The following TECTA variants were observed in gnomAD, a reference collection of about 807,000 sequenced individuals.
TECTA encodes alpha-tectorin.
TECTA carries 128 observed loss-of-function variants against 216.8 expected under a neutral mutation model. The observed-to-expected ratio is 0.59, with a 90% CI of 0.51 to 0.68. TECTA has a LOEUF of 0.68. Among genes scored for constraint, TECTA ranks in the 30% least tolerant of loss-of-function variants. The probability of loss-of-function intolerance (pLI) is 0.00; values close to 1 mark genes in which losing one functional copy is unlikely to be tolerated. For synonymous variants in TECTA, 1,089 were observed against 1,117.1 expected (o/e 0.97, Z 0.50); for missense variants, 2,551 against 2,786.2 (o/e 0.92, Z 1.90).
At chr11:121,121,411 G>A (rs1003883150) in intron 7 of TECTA, among the ~76,000 whole-genome samples, 1 of 152,174 alleles carries the variant, frequency 6.6e-6, no homozygotes, top group Non-Finnish European at 1.5e-5. Context: ...GCAAACAGGC[G>A]AGGCTTATCA....
At position 121,137,687 on chromosome 11, in the gene TECTA, G is replaced by T. The variant is rs775211382; in HGVS notation, c.3208G>T (p.Val1070Phe). Residue 1070 changes from valine (V) to phenylalanine (F), a missense_variant, in exon 11 of 24, where the codon GTC (valine) becomes TTC (phenylalanine). Around this residue, in one of 3 missense-constraint regions of TECTA, gnomAD observed 2,375 missense variants for 2,563.9 expected, o/e 0.93. Coordinates refer to ENST00000392793, the MANE Select transcript of TECTA (RefSeq NM_005422.4). ...FCYCSGTDNRVHCETIPCKDD... is the reference protein window; with the variant it reads ...FCYCSGTDNRFHCETIPCKDD... ...CTATTGCAGTGGCACAGACAACAGGGTCCACTGCGAGACCATTCCCTGCAA... is the reference window on the plus strand; with the variant it reads ...CTATTGCAGTGGCACAGACAACAGGTTCCACTGCGAGACCATTCCCTGCAA... 13 of 1,614,100 alleles carry T rather than the reference G, an allele frequency of 8.1e-6. No individual in the cohort carries two copies. In the South Asian group the frequency reaches 1.2e-4, roughly 15 times the overall value.
intron 11 of TECTA, among the ~76,000 whole-genome samples, chr11:121,138,249 G>A (rs1946751243): frequency 6.6e-6 from 1 of 152,230 alleles, no homozygotes; most frequent in African/African-American, 2.4e-5. Flanking sequence ...CAAGTTAGGA[G>A]GCAGAGCCAG....
chr11:121,113,152 C>T lies in TECTA; in HGVS notation c.567C>T (p.Thr189=). The change falls in exon 5 of 24, where the codon ACC becomes ACT. Residue 189 remains threonine (T), a synonymous_variant. Coordinates refer to ENST00000392793, the MANE Select transcript of TECTA (RefSeq NM_005422.4). This position sits in a 1 kb window ranked among gnomAD's most constrained non-coding sequence, Gnocchi z 4.2. ...TCAATTATTACGAAATCAACTGGAC[C>T]ACGGGGACGGCGAGTGGCGGCGACC... ...TLFNYYEINW[T]TGTASGGDPL... 6.2e-7 allele frequency: 1 copy of T among 1,614,056 alleles called. No individual in the cohort carries two copies.
intron 20 of TECTA, among the ~76,000 whole-genome samples, chr11:121,182,009 T>C (rs540168516): frequency 1.3e-5 from 2 of 152,320 alleles, no homozygotes; most frequent in African/African-American, 2.4e-5. Context: ...TCAGCATCAG[T>C]CATGTCTGTG....
At chr11:121,187,502 G>T in intron 20 of TECTA, among the ~76,000 whole-genome samples, 1 of 152,198 alleles carries the variant, frequency 6.6e-6, no homozygotes, top group East Asian at 1.9e-4. Flanking sequence ...TTATTAAATT[G>T]GTATCGGTAG....
rs567513145 is a variant in TECTA, at chr11:121,155,675, T to G, written c.4306-2166T>G. Among the ~76,000 whole-genome samples, 9 of 152,324 alleles carry G rather than the reference T, an allele frequency of 5.9e-5. No individual in the cohort carries two copies. In the East Asian group the frequency reaches 1.5e-3, roughly 26 times the overall value. On this transcript the variant is annotated intron_variant, in intron 13 of 23. Transcript: ENST00000392793. ...GACCAGACAGAAGCATAGGCCTTTTTGTGCTATTGAAAGATCTTTTCTGGA... is the reference window on the plus strand; with the variant it reads ...GACCAGACAGAAGCATAGGCCTTTTGGTGCTATTGAAAGATCTTTTCTGGA...
chr11:121,105,158 C>T lies in TECTA; in HGVS notation c.65-673C>T, dbSNP rs1445357024. On this transcript the variant is annotated intron_variant, in intron 2 of 23. Coordinates refer to ENST00000392793, the MANE Select transcript of TECTA (RefSeq NM_005422.4). This position sits in a 1 kb window ranked among gnomAD's most constrained non-coding sequence, Gnocchi z 5.3. ...CTCTCCAGTGACCAGGAGGACCAAT[C>T]AGAGCCCTGCAATTCATTCTCTCCA... Among the ~76,000 whole-genome samples the T allele has an allele frequency of 1.3e-5, 2 of 152,224 alleles. No homozygotes were observed. The highest frequency in any genetic ancestry group is 4.8e-5 in the African/African-American group (2 of 41,468).
chr11:121,162,879 A>G (rs1947015630), intron 16 of TECTA, among the ~76,000 whole-genome samples: 1 of 152,206 alleles, frequency 6.6e-6, no homozygotes, highest in Non-Finnish European at 1.5e-5. Flanking sequence ...TAAAATAAAG[A>G]TATACAGAAT....
chr11:121,119,999 G>C (rs1946540703), intron 7 of TECTA, among the ~76,000 whole-genome samples: 1 of 152,176 alleles, frequency 6.6e-6, no homozygotes, highest in Non-Finnish European at 1.5e-5. Context: ...ACTTATCCTT[G>C]TAGATAGATG....
intron 20 of TECTA, among the ~76,000 whole-genome samples, chr11:121,177,614 CG>C (rs1947181528): frequency 6.6e-6 from 1 of 152,186 alleles, no homozygotes; most frequent in African/African-American, 2.4e-5. Flanking sequence ...TTAGGCTGCT[CG>C]GGGGTCAGGG....
Position 121,137,763 on chromosome 11 carries a change from G to T in TECTA, c.3284G>T (p.Arg1095Leu), listed in dbSNP as rs771933470. Residue 1095 changes from arginine (R) to leucine (L), a missense_variant, in exon 11 of 24, where the codon CGC becomes CTC. Physicochemically the swap from Arg to Leu is moderately radical, Grantham distance 102. This residue lies in a region of TECTA where 2,375 missense variants were observed against 2,563.9 expected (regional missense o/e 0.93). Transcript: ENST00000392793. ...EEGGLYYCQA[R>L]TDASCIVSGY... The stretch of plus-strand genomic sequence containing the variant: ...GGTGGCCTGTACTACTGCCAAGCCC[G>T]CACCGACGCCTCCTGCATCGTCTCA... 6.2e-6 allele frequency: 10 copies of T among 1,613,982 alleles called. No homozygotes were observed. Among genetic ancestry groups the T allele is most frequent in the African/African-American group, 4.0e-5 (3 of 74,892 alleles).
Position 121,129,879 on chromosome 11 carries a change from A to G in TECTA, c.2609A>G (p.Asn870Ser), listed in dbSNP as rs1321070543. Residue 870 changes from asparagine to serine, a missense_variant, in exon 10 of 24, where the codon AAC becomes AGC. Transcript: ENST00000392793. ...FCLPNGKCTDNLAVFLESWTT... is the reference protein window; with the variant it reads ...FCLPNGKCTDSLAVFLESWTT... ...CTCCCCAACGGCAAGTGCACGGACA[A>G]CCTGGCAGTGTTCCTGGAAAGCTGG... 2 of 1,614,058 alleles carry G rather than the reference A, an allele frequency of 1.2e-6. No homozygotes were observed. The highest frequency in any genetic ancestry group is 2.7e-5 in the African/African-American group (2 of 74,930).
chr11:121,169,761 G>A (rs973865479), intron 20 of TECTA, among the ~76,000 whole-genome samples: 1 of 152,036 alleles, frequency 6.6e-6, no homozygotes, highest in Non-Finnish European at 1.5e-5. Context: ...CATATTTATG[G>A]AATAGATGTG....
chr11:121,119,071 C>T (rs657405), intron 7 of TECTA, among the ~76,000 whole-genome samples: 40,119 of 151,666 alleles, frequency 0.26, 5,865 homozygotes, highest in Admixed American at 0.34. Flanking sequence ...ATAAGTTTCT[C>T]ATGGTCCTGG....
chr11:121,161,697 G>GT (rs1397247913), intron 15 of TECTA, among the ~76,000 whole-genome samples: 3 of 150,734 alleles, frequency 2.0e-5, no homozygotes, highest in African/African-American at 7.4e-5. Flanking sequence ...ATTCCACGAG[G>GT]TATCATTACT....
intron 6 of TECTA, among the ~76,000 whole-genome samples, chr11:121,117,351 A>G (rs927653897): frequency 2.6e-5 from 4 of 152,146 alleles, no homozygotes; most frequent in African/African-American, 9.7e-5. Flanking sequence ...ACTGCTGCCC[A>G]GTTCTCTTGA....
At chr11:121,174,456 T>C (rs1392321547) in intron 20 of TECTA, among the ~76,000 whole-genome samples, 4 of 152,262 alleles carry the variant, frequency 2.6e-5, no homozygotes, top group Non-Finnish European at 5.9e-5. Flanking sequence ...AATCATGTGA[T>C]TTTTGTCTTT....
chr11:121,187,106 G>A (rs764590466), intron 20 of TECTA, among the ~76,000 whole-genome samples: 3 of 152,244 alleles, frequency 2.0e-5, no homozygotes, highest in Non-Finnish European at 4.4e-5. Flanking sequence ...TGGTGTTGGA[G>A]AAAGGGCAGG....
intron 4 of TECTA, chr11:121,109,720 C>T: frequency 1.7e-6 from 1 of 577,588 alleles, no homozygotes; most frequent in South Asian, 2.0e-5. Context: ...ACCCCTATCA[C>T]AAATCATCAC....
Sources: gnomAD v4.1 joint callset for allele counts (sites outside exome capture counted in the v4.1 genomes callset) on GRCh38, gnomAD v4.1.1 for gene constraint, gnomAD v4.1.1 regional missense constraint, Gnocchi (gnomAD v3.1) non-coding constraint, MANE v1.5 for transcripts, NCBI Gene and HGNC (gene_info 2026-07-23, HGNC 2026-07-21) for gene names.